Variants in WDFY4 observed in about 807,000 individuals in gnomAD.
WDFY4 encodes WDFY family member 4.
Under a neutral mutation model 351.9 loss-of-function variants are expected in WDFY4, and 169 were observed. The observed-to-expected ratio is 0.48, with a 90% CI of 0.42 to 0.55. The LOEUF is 0.55. Among genes scored for constraint, WDFY4 ranks in the 20% least tolerant of loss-of-function variants. WDFY4 has a pLI of 0.00. For missense variants in WDFY4, 3,803 were observed against 3,935.6 expected (o/e 0.97, Z 0.90); for synonymous variants, 1,622 against 1,574.6 (o/e 1.03, Z -0.71).
At chr10:48,907,442 T>C (rs1229584578) in intron 47 of WDFY4, among the ~76,000 whole-genome samples, 1 of 152,242 alleles carries the variant, frequency 6.6e-6, no homozygotes, top group African/African-American at 2.4e-5. Flanking sequence ...CTTAACTGTA[T>C]AAATTCTTCA....
intron 40 of WDFY4, among the ~76,000 whole-genome samples, chr10:48,869,146 G>A (rs1017972691): frequency 6.6e-6 from 1 of 152,224 alleles, no homozygotes; most frequent in African/African-American, 2.4e-5. Context: ...CATAGATAAT[G>A]GGATGTGGAC....
intron 12 of WDFY4, among the ~76,000 whole-genome samples, chr10:48,756,867 A>T (rs1344453390): frequency 1.3e-5 from 2 of 152,060 alleles, no homozygotes; most frequent in African/African-American, 4.8e-5. Flanking sequence ...TTTTGCACCT[A>T]TGTTCATTAG....
intron 43 of WDFY4, among the ~76,000 whole-genome samples, chr10:48,887,560 C>T (rs547242804): frequency 1.3e-5 from 2 of 152,284 alleles, no homozygotes; most frequent in South Asian, 2.1e-4. Flanking sequence ...GGGCGGATCA[C>T]GAGGTCAGGA....
chr10:48,944,554 G>A (rs1224255836), intron 49 of WDFY4, among the ~76,000 whole-genome samples: 1 of 152,246 alleles, frequency 6.6e-6, no homozygotes, highest in African/African-American at 2.4e-5. Context: ...GGCCAGTCCT[G>A]CGTAGGGCTG....
intron 27 of WDFY4, among the ~76,000 whole-genome samples, chr10:48,806,599 G>T (rs1023506482): frequency 1.3e-5 from 2 of 152,174 alleles, no homozygotes; most frequent in East Asian, 3.9e-4. Context: ...AGCCCCTTGG[G>T]GTTACCCTAC....
At position 48,787,986 on chromosome 10, in the gene WDFY4, C is replaced by CTTCTTCTTCTTCTT. The variant is rs2066541964; in HGVS notation, c.3809-544_3809-543insTTCTTCTTCTTCTT. Among the ~76,000 whole-genome samples the CTTCTTCTTCTTCTT allele has an allele frequency of 6.1e-5, 4 of 65,526 alleles. 1 individual carries two copies. Among genetic ancestry groups the CTTCTTCTTCTTCTT allele is most frequent in the Non-Finnish European group, 1.2e-4 (4 of 33,150 alleles). 43.0% of individuals were successfully genotyped at this position (65,526 alleles called of 152,430 possible). A position where few individuals can be genotyped will look rare whatever the true frequency, so the allele number is the denominator to read the frequency against. ...TTCTTCTTCTTCTTCTTCTTCTTCTCCTTCTCCTTCTCCTTCTCCTTCTCC... is the reference window on the plus strand; with the variant it reads ...TTCTTCTTCTTCTTCTTCTTCTTCTCTTCTTCTTCTTCTTCTTCTCCTTCTCCTTCTCCTTCTCC... On this transcript the variant is annotated intron_variant, in intron 20 of 61. Transcript: ENST00000325239.
At chr10:48,783,631 C>T (rs2066298961) in intron 19 of WDFY4, among the ~76,000 whole-genome samples, 1 of 152,124 alleles carries the variant, frequency 6.6e-6, no homozygotes, top group African/African-American at 2.4e-5. Context: ...TACCCTCCTA[C>T]TACTTTATCA....
chr10:48,982,492 T>C lies in WDFY4; in HGVS notation c.9489-17T>C. 6.7e-7 allele frequency: 1 copy of C among 1,494,876 alleles called. No individual in the cohort carries two copies. Among genetic ancestry groups the C allele is most frequent in the South Asian group, 1.3e-5 (1 of 76,170 alleles). The allele number at this position is 1,494,876 out of a possible 1,614,324, so 92.6% of individuals were successfully genotyped here. On this transcript the variant is annotated splice_polypyrimidine_tract_variant and intron_variant, in intron 61 of 61. Coordinates refer to ENST00000325239, the MANE Select transcript of WDFY4 (RefSeq NM_001394531.1). ...ACTGTCCCTCTAACGTTCTTGTCTTTTCTTTCTCTTCCCAAGAAACCACAC... is the reference window on the plus strand; with the variant it reads ...ACTGTCCCTCTAACGTTCTTGTCTTCTCTTTCTCTTCCCAAGAAACCACAC...
At chr10:48,765,735 G>A (rs1368458344) in intron 13 of WDFY4, among the ~76,000 whole-genome samples, 1 of 152,162 alleles carries the variant, frequency 6.6e-6, no homozygotes, top group Non-Finnish European at 1.5e-5. Flanking sequence ...TCATAGGGAA[G>A]TGAGAGGTTA....
chr10:48,734,942 A>ATTTTTTTT (rs3079302), intron 10 of WDFY4, among the ~76,000 whole-genome samples: 1 of 123,330 alleles, frequency 8.1e-6, no homozygotes, highest in Non-Finnish European at 1.6e-5. Context: ...TGCACGGCTA[A>ATTTTTTTT]TTTTTTTTTT....
rs760235633 is a variant in WDFY4, at chr10:48,969,215, C to T, written c.8736C>T (p.Phe2912=). The change falls in exon 56 of 62, where the codon TTC becomes TTT. Residue 2912 remains phenylalanine (F), a synonymous_variant. Transcript: ENST00000325239. ...NRTFSWGFDD[F]SCCLGSYGSD... The stretch of plus-strand genomic sequence containing the variant: ...CCTTCAGCTGGGGCTTTGATGACTT[C>T]AGCTGCTGCTTGGGGAGCTACGGCT... 2.5e-5 allele frequency: 39 copies of T among 1,551,460 alleles called. No homozygotes were observed. The highest frequency in any genetic ancestry group is 3.4e-5 in the Non-Finnish European group (39 of 1,146,936).
intron 1 of WDFY4, among the ~76,000 whole-genome samples, chr10:48,701,526 G>A (rs929551004): frequency 6.6e-6 from 1 of 152,228 alleles, no homozygotes; most frequent in African/African-American, 2.4e-5. Flanking sequence ...AAAAGTGGAT[G>A]AGAACTTAAA....
intron 39 of WDFY4, among the ~76,000 whole-genome samples, chr10:48,850,476 A>T (rs2068921378): frequency 6.6e-6 from 1 of 151,948 alleles, no homozygotes; most frequent in Non-Finnish European, 1.5e-5. Context: ...AACTGATCTC[A>T]TATGCGCTTT....
At chr10:48,859,476 T>G (rs1339100740) in intron 39 of WDFY4, among the ~76,000 whole-genome samples, 1 of 152,204 alleles carries the variant, frequency 6.6e-6, no homozygotes, top group Non-Finnish European at 1.5e-5. Flanking sequence ...GATATGACCA[T>G]GCGATTTTCT....
chr10:48,784,833 C>A (rs1375084125), intron 19 of WDFY4, among the ~76,000 whole-genome samples: 1 of 146,734 alleles, frequency 6.8e-6, no homozygotes, highest in Non-Finnish European at 1.5e-5. Flanking sequence ...AGCCACCACA[C>A]CCAGTTGCAT....
chr10:48,735,963 T>G lies in WDFY4; in HGVS notation c.1771T>G (p.Leu591Val), dbSNP rs767484076. ...CTACCGGGAGGCCTCGCTCAGCATCTTGGAGCAGCTCTCAGCCATCAACGC... is the reference window on the plus strand; with the variant it reads ...CTACCGGGAGGCCTCGCTCAGCATCGTGGAGCAGCTCTCAGCCATCAACGC... ...ECYREASLSI[L>V]EQLSAINAEE... is the part of the protein sequence containing the mutation. The change falls in exon 11 of 62, where the codon TTG becomes GTG. Residue 591 changes from leucine to valine, a missense_variant. Physicochemically the swap from Leu to Val is conservative, Grantham distance 32 (BLOSUM62 1). Transcript: ENST00000325239. 5.8e-6 allele frequency: 9 copies of G among 1,551,762 alleles called. No individual in the cohort carries two copies. The African/African-American group carries it at 1.1e-4, about 19-fold the overall frequency.
chr10:48,841,779 C>A (rs1027306895), intron 39 of WDFY4, among the ~76,000 whole-genome samples: 2 of 152,284 alleles, frequency 1.3e-5, no homozygotes, highest in East Asian at 1.9e-4. Context: ...AACGCAGTAA[C>A]CTTCTTAGAT....
At chr10:48,910,282 T>C in intron 47 of WDFY4, 1 of 1,612,130 alleles carries the variant, frequency 6.2e-7, no homozygotes, top group Non-Finnish European at 8.5e-7. Context: ...CACAAGAAGG[T>C]GAGGCAATTG....
intron 14 of WDFY4, among the ~76,000 whole-genome samples, chr10:48,775,295 G>A (rs2065994354): frequency 6.6e-6 from 1 of 152,216 alleles, no homozygotes; most frequent in African/African-American, 2.4e-5. Context: ...CATGCACAGA[G>A]CGGGGGGCCC....
Sources: gnomAD v4.1 joint callset for allele counts (sites outside exome capture counted in the v4.1 genomes callset) on GRCh38, gnomAD v4.1.1 for gene constraint, MANE v1.5 for transcripts, NCBI Gene and HGNC (gene_info 2026-07-23, HGNC 2026-07-21) for gene names.